Variants in PALS1 observed in about 807,000 individuals in gnomAD.
PALS1 encodes the protein protein associated with LIN7 1, MAGUK p55 family member, also known as protein PALS1.
PALS1 carries 31 observed loss-of-function variants against 78.9 expected under a neutral mutation model. The ratio of observed to expected loss-of-function variants is 0.39; its 90% CI spans 0.30 to 0.53. The LOEUF (loss-of-function observed/expected upper bound fraction) is 0.53, where lower values mean the gene tolerates loss of function less well. Ranked by LOEUF, PALS1 falls within the 20% of genes least tolerant of loss-of-function variation. The probability of loss-of-function intolerance (pLI) is 0.67; values close to 1 mark genes in which losing one functional copy is unlikely to be tolerated. For missense variants in PALS1, 704 were observed against 826.5 expected (o/e 0.85, Z 1.82); for synonymous variants, 276 against 270.9 (o/e 1.02, Z -0.18).
Position 67,245,225 on chromosome 14 carries a change from T to C in PALS1, c.-237+3692T>C, listed in dbSNP as rs377057560. Among the ~76,000 whole-genome samples, 5 of 152,358 alleles carry C rather than the reference T, an allele frequency of 3.3e-5. No homozygotes were observed. The South Asian group carries it at 1.0e-3, about 32-fold the overall frequency. On this transcript the variant is annotated intron_variant, in intron 1 of 14. Transcript: ENST00000261681. ...ACATTGGCATAGGAAACTAATACATTGTCAGGCTGGGTTTGAAGTGGCTGA... is the reference window on the plus strand; with the variant it reads ...ACATTGGCATAGGAAACTAATACATCGTCAGGCTGGGTTTGAAGTGGCTGA...
chr14:67,329,436 G>T (rs998818462), intron 14 of PALS1, among the ~76,000 whole-genome samples: 1 of 152,124 alleles, frequency 6.6e-6, no homozygotes, highest in South Asian at 2.1e-4. Flanking sequence ...GGGATAATTC[G>T]ACTTCCTCTT....
intron 14 of PALS1, among the ~76,000 whole-genome samples, chr14:67,327,205 G>A (rs2085371595): frequency 6.6e-6 from 1 of 152,154 alleles, no homozygotes; most frequent in Admixed American, 6.5e-5. Context: ...GAGCTAGTAT[G>A]ACTGAAGCTG....
In PALS1 at chr14:67,320,377, G is replaced by A. The variant is rs185123291; in HGVS notation, c.1517G>A (p.Arg506His). The A allele has an allele frequency of 9.3e-6, 15 of 1,606,370 alleles. No individual in the cohort carries two copies. The highest frequency in any genetic ancestry group is 8.5e-5 in the Admixed American group (5 of 58,490). Residue 506 changes from arginine to histidine, a missense_variant, in exon 12 of 15, where the codon CGC becomes CAC. Physicochemically the swap from Arg to His is conservative, Grantham distance 29. Transcript: ENST00000261681. ...RQRLMNKEKDRFASAVPHTTR... is the reference protein window; with the variant it reads ...RQRLMNKEKDHFASAVPHTTR... ...AGGCTCATGAACAAAGAAAAGGACC[G>A]CTTTGCATCTGCAGTTCCTCGTAAG...
chr14:67,317,275 C>T, intron 10 of PALS1, 133 bp from the exon 11 acceptor site: 1 of 711,016 alleles, frequency 1.4e-6, no homozygotes, highest in South Asian at 2.1e-5. Flanking sequence ...CAAGCGTGGC[C>T]AACATATGGA....
At chr14:67,330,489 G>A (rs2141055803) in intron 14 of PALS1, among the ~76,000 whole-genome samples, 1 of 126,302 alleles carries the variant, frequency 7.9e-6, no homozygotes, top group African/African-American at 3.1e-5. Context: ...ATGGGGTTTC[G>A]CTCTTGTTGC....
rs1165564939 is a variant in PALS1, at chr14:67,256,580, C to T, written c.-236-13121C>T. Among the ~76,000 whole-genome samples the T allele has an allele frequency of 3.3e-5, 5 of 152,144 alleles. No individual in the cohort carries two copies. In the East Asian group the frequency reaches 7.7e-4, roughly 23 times the overall value. ...TTTTGTTTTTTGAGATGGAGTCTCG[C>T]TCTGTTGCCCAGGCTGGAGTGCAGT... On this transcript the variant is annotated intron_variant, in intron 1 of 14. Transcript: ENST00000261681.
chr14:67,319,531 T>G (rs2085229399), intron 11 of PALS1, among the ~76,000 whole-genome samples: 1 of 151,852 alleles, frequency 6.6e-6, no homozygotes. Context: ...AATCTTGTGG[T>G]TTCCCTGGGC....
chr14:67,303,024 A>C (rs1017892000), intron 7 of PALS1, among the ~76,000 whole-genome samples: 5 of 152,236 alleles, frequency 3.3e-5, no homozygotes, highest in African/African-American at 1.2e-4. Flanking sequence ...AGCTGCATAT[A>C]GCTATTTCTG....
intron 1 of PALS1, among the ~76,000 whole-genome samples, chr14:67,268,651 G>A (rs7149535): frequency 0.15 from 23,572 of 152,176 alleles, 3,453 homozygotes; most frequent in East Asian, 0.42. Flanking sequence ...TGGCAGGAGC[G>A]TCTTTTAGCA....
chr14:67,296,585 C>CAAAAAAAAAAA (rs374329692), intron 4 of PALS1, among the ~76,000 whole-genome samples: 1 of 51,000 alleles, frequency 2.0e-5, no homozygotes, highest in Non-Finnish European at 6.5e-5. Flanking sequence ...AACTCTGTCT[C>CAAAAAAAAAAA]AAAAAAAAAA....
rs146247456 is a variant in PALS1 at position 67,324,983 on chromosome 14, C to T, written c.1851+1171C>T. On this transcript the variant is annotated intron_variant, in intron 14 of 14. Transcript: ENST00000261681. ...GCAGTAGCGCAATCTCGGCTGACTG[C>T]AAGCTCCGCCTCCCAGGTTCACGCC... Among the ~76,000 whole-genome samples, 3 of 146,400 alleles carry T rather than the reference C, an allele frequency of 2.0e-5. No individual in the cohort carries two copies. The East Asian group carries it at 6.3e-4, about 31-fold the overall frequency.
chr14:67,279,045 C>A lies in PALS1; in HGVS notation c.-126C>A. 1.2e-6 allele frequency: 1 copy of A among 849,506 alleles called. No individual in the cohort carries two copies. The highest frequency in any genetic ancestry group is 1.7e-6 in the Non-Finnish European group (1 of 594,192). The allele number at this position is 849,506 out of a possible 1,614,324, so 52.6% of individuals were successfully genotyped here. On this transcript the variant is annotated 5_prime_UTR_variant, in exon 3 of 15. Transcript: ENST00000261681. The stretch of plus-strand genomic sequence containing the variant: ...TTCCTTCATGGATACTTTTTCATAG[C>A]ATTATTATGTGATGTGAGAAGTTTT...
At chr14:67,250,616 A>G (rs1042781066) in intron 1 of PALS1, among the ~76,000 whole-genome samples, 7 of 152,232 alleles carry the variant, frequency 4.6e-5, no homozygotes, top group African/African-American at 1.7e-4. Context: ...TACAATATGC[A>G]GGGATTCATG....
chr14:67,329,113 T>C (rs2085402586), intron 14 of PALS1, among the ~76,000 whole-genome samples: 1 of 152,246 alleles, frequency 6.6e-6, no homozygotes, highest in South Asian at 2.1e-4. Flanking sequence ...TCCATGAGCA[T>C]GGAATGTTCT....
rs1186501362 is a variant in PALS1, at chr14:67,292,724, G to C, written c.576+5G>C. On this transcript the variant is annotated splice_donor_5th_base_variant and intron_variant, in intron 4 of 14. Coordinates refer to ENST00000261681, the MANE Select transcript of PALS1 (RefSeq NM_022474.4). ...GCACAAGATCTTGCTCAAGAGGTATGTATTCTAAACATCTTGTTGATGTCT... is the reference window on the plus strand; with the variant it reads ...GCACAAGATCTTGCTCAAGAGGTATCTATTCTAAACATCTTGTTGATGTCT... 1 of 1,610,138 alleles carries C rather than the reference G, an allele frequency of 6.2e-7. No homozygotes were observed. The highest frequency in any genetic ancestry group is 8.5e-7 in the Non-Finnish European group (1 of 1,176,694).
intron 14 of PALS1, among the ~76,000 whole-genome samples, chr14:67,332,565 A>G (rs2085466280): frequency 6.6e-6 from 1 of 152,204 alleles, no homozygotes; most frequent in Non-Finnish European, 1.5e-5. Context: ...AACAGGATAT[A>G]TTGAGTCCCA....
chr14:67,301,830 AAC>A, intron 5 of PALS1, 140 bp from the exon 6 acceptor site: 4 of 981,668 alleles, frequency 4.1e-6, no homozygotes, highest in Non-Finnish European at 5.7e-6. Flanking sequence ...TAGTATACTT[AAC>A]ACATCTTTAT....
At chr14:67,251,401 T>C (rs1198934566) in intron 1 of PALS1, among the ~76,000 whole-genome samples, 1 of 152,084 alleles carries the variant, frequency 6.6e-6, no homozygotes, top group Non-Finnish European at 1.5e-5. Flanking sequence ...GACTTGGTGG[T>C]GTGTGCCTGT....
intron 3 of PALS1, among the ~76,000 whole-genome samples, chr14:67,290,680 G>A (rs1334083137): frequency 6.6e-6 from 1 of 152,098 alleles, no homozygotes; most frequent in Non-Finnish European, 1.5e-5. Context: ...ACACAGGCGT[G>A]AGCCACTGTG....
Sources: gnomAD v4.1 joint callset for allele counts (sites outside exome capture counted in the v4.1 genomes callset) on GRCh38, gnomAD v4.1.1 for gene constraint, MANE v1.5 for transcripts, NCBI Gene and HGNC (gene_info 2026-07-23, HGNC 2026-07-21) for gene names.